The following MOG variants were observed in gnomAD, a reference collection of about 807,000 sequenced individuals.
The protein encoded by MOG is myelin-oligodendrocyte glycoprotein.
MOG carries 20 observed loss-of-function variants against 35.9 expected under a neutral mutation model. That is an observed-to-expected ratio of 0.56 (90% CI 0.39 to 0.81). MOG has a LOEUF of 0.81. Ranked by LOEUF, MOG falls within the 30% of genes least tolerant of loss-of-function variation. MOG has a pLI of 0.00. For synonymous variants in MOG, 92 were observed against 114.3 expected (o/e 0.80, Z 1.25); for missense variants, 251 against 301.0 (o/e 0.83, Z 1.23).
At chr6:29,661,674 G>T (rs376003848) in intron 2 of MOG, 3 of 818,948 alleles carry the variant, frequency 3.7e-6, no homozygotes, top group Non-Finnish European at 2.9e-6. Flanking sequence ...CACAAAATTA[G>T]CCTGGCGTGG....
At chr6:29,664,913 A>C in intron 2 of MOG, 1 of 231,366 alleles carries the variant, frequency 4.3e-6, no homozygotes, top group Non-Finnish European at 8.8e-6. Flanking sequence ...ACCTAGCCAG[A>C]AGAATGTTTT....
intron 3 of MOG, among the ~76,000 whole-genome samples, 156 bp from the exon 4 acceptor site, chr6:29,667,487 A>G (rs1249649091): frequency 6.6e-6 from 1 of 152,066 alleles, no homozygotes; most frequent in African/African-American, 2.4e-5. Flanking sequence ...AGCCGCAACC[A>G]TTGGCTTTAA....
Position 29,670,294 on chromosome 6 carries a change from G to T in MOG, c.606G>T (p.Leu202=). 6.2e-7 allele frequency: 1 copy of T among 1,614,176 alleles called. No homozygotes were observed. The highest frequency in any genetic ancestry group is 8.5e-7 in the Non-Finnish European group (1 of 1,180,032). Residue 202 remains leucine (L), a synonymous_variant, in exon 6 of 8, where the codon CTG becomes CTT. Coordinates refer to ENST00000376917, the MANE Select transcript of MOG (RefSeq NM_206809.4). This position sits in a 1 kb window ranked among gnomAD's most constrained non-coding sequence, Gnocchi z 4.2. ...TGAACAATTCAGATCCCCACTTTCTGAGGGTGCCCTGCTGGAAGATAACCC... is the reference window on the plus strand; with the variant it reads ...TGAACAATTCAGATCCCCACTTTCTTAGGGTGCCCTGCTGGAAGATAACCC... ...NLHRTFDPHF[L]RVPCWKITLF...
chr6:29,658,745 T>C (rs1767750644), intron 1 of MOG, among the ~76,000 whole-genome samples: 1 of 152,154 alleles, frequency 6.6e-6, no homozygotes, highest in Non-Finnish European at 1.5e-5. Flanking sequence ...GAGGAGATGA[T>C]TGCTAAAATG....
At chr6:29,667,741 C>A (rs938996853) in intron 4 of MOG, 78 bp downstream of exon 4, 2 of 1,575,794 alleles carry the variant, frequency 1.3e-6, no homozygotes, top group Admixed American at 1.7e-5. Flanking sequence ...GTTCTTGGAC[C>A]GTCTCTCCCT....
chr6:29,663,147 C>G (rs1055496208), intron 2 of MOG, among the ~76,000 whole-genome samples: 1 of 151,670 alleles, frequency 6.6e-6, no homozygotes, highest in Non-Finnish European at 1.5e-5. Flanking sequence ...GTGGCAGGCG[C>G]CTGTAGTCCC....
At chr6:29,661,317 T>C (rs1768683922) in intron 2 of MOG, 1 of 946,820 alleles carries the variant, frequency 1.1e-6, no homozygotes, top group African/African-American at 1.8e-5. Context: ...CAAAGCACTA[T>C]TTCTAGAGAC....
intron 2 of MOG, chr6:29,663,851 A>C (rs2535256): frequency 0.025 from 14,568 of 583,852 alleles, 506 homozygotes; most frequent in African/African-American, 0.13. Context: ...ACAATGATAG[A>C]CAGGAGCCTT....
intron 1 of MOG, among the ~76,000 whole-genome samples, chr6:29,658,740 GATGATTGCTAAAATGTTCTGTCC>G (rs1767749821): frequency 1.3e-5 from 2 of 152,224 alleles, no homozygotes; most frequent in Non-Finnish European, 2.9e-5. Context: ...GCTGAGAGGA[GATGATTGCTAAAATGTTCTGTCC>G]AGGACATTCA....
Position 29,657,094 on chromosome 6 carries a change from C to G in MOG, c.-116C>G, listed in dbSNP as rs1467666417. 3.8e-6 allele frequency: 3 copies of G among 780,504 alleles called. No homozygotes were observed. The highest frequency in any genetic ancestry group is 6.8e-6 in the Non-Finnish European group (3 of 441,190). 48.3% of individuals were successfully genotyped at this position (780,504 alleles called of 1,614,324 possible). ...CGGAGTGGAGGCAGGGCCCAGGCAG[C>G]ACTGCCCTCCAAGATCTTCCCTTGG... On this transcript the variant is annotated 5_prime_UTR_variant, in exon 1 of 8. Coordinates refer to ENST00000376917, the MANE Select transcript of MOG (RefSeq NM_206809.4).
intron 5 of MOG, 141 bp downstream of exon 5, chr6:29,668,065 T>G (rs1342334348): frequency 1.2e-6 from 1 of 813,770 alleles, no homozygotes; most frequent in Non-Finnish European, 2.1e-6. Context: ...AAGAAGTCAT[T>G]TGCATTTAGG....
chr6:29,660,562 GCACACACA>G (rs35514085), intron 2 of MOG, among the ~76,000 whole-genome samples: 2 of 129,172 alleles, frequency 1.5e-5, no homozygotes, highest in Admixed American at 8.7e-5. Flanking sequence ...ATTTGTGAGC[GCACACACA>G]CACACACACA....
rs1771333897 is a variant in MOG, at chr6:29,670,885, A to G, written c.730+164A>G. The G allele has an allele frequency of 6.3e-7, 1 of 1,591,886 alleles. No individual in the cohort carries two copies. The highest frequency in any genetic ancestry group is 1.1e-5 in the South Asian group (1 of 88,486). On this transcript the variant is annotated intron_variant, in intron 7 of 7. Transcript: ENST00000376917. The surrounding 1 kb of genome is among the most constrained non-coding windows in gnomAD (Gnocchi z 4.2). ...AGACTCCTCCTGGGAGGTAGAGGGC[A>G]AAGAAGCCAGCTGTTAGAGACACAT...
In MOG at chr6:29,670,551, T is replaced by A. The variant is rs1243624972; in HGVS notation, c.710-150T>A. On this transcript the variant is annotated intron_variant, in intron 6 of 7. Coordinates refer to ENST00000376917, the MANE Select transcript of MOG (RefSeq NM_206809.4). The surrounding 1 kb of genome is among the most constrained non-coding windows in gnomAD (Gnocchi z 4.2). ...CCCCATGCCCAACCCCAGGCTCTTC[T>A]GAGAAACTGTGAAGAGAACCACTTA... is the stretch of plus-strand genomic sequence containing the variant. The A allele has an allele frequency of 3.9e-6, 6 of 1,538,498 alleles. No homozygotes were observed. The highest frequency in any genetic ancestry group is 5.3e-6 in the Non-Finnish European group (6 of 1,123,564).
chr6:29,666,783 T>A (rs1216637602), intron 3 of MOG, among the ~76,000 whole-genome samples: 2 of 152,222 alleles, frequency 1.3e-5, no homozygotes, highest in Non-Finnish European at 2.9e-5. Context: ...ATGAAGCTCC[T>A]CTTTTTTGCC....
chr6:29,669,424 G>A (rs1348996376), intron 5 of MOG, among the ~76,000 whole-genome samples: 2 of 151,440 alleles, frequency 1.3e-5, no homozygotes, highest in Admixed American at 6.6e-5. Flanking sequence ...CCAAGTTGCT[G>A]GAACTACAGG....
At chr6:29,657,491 T>C (rs948997407) in intron 1 of MOG, among the ~76,000 whole-genome samples, 194 bp downstream of exon 1, 87 of 148,494 alleles carry the variant, frequency 5.9e-4, no homozygotes, top group African/African-American at 2.0e-3. Flanking sequence ...TCCAGACTCT[T>C]TTTTTTTTTT....
At chr6:29,657,344 A>G in intron 1 of MOG, 47 bp downstream of exon 1, 1 of 1,416,090 alleles carries the variant, frequency 7.1e-7, no homozygotes, top group Non-Finnish European at 9.8e-7. Context: ...TGAAAACAGA[A>G]AGGCTAGTTT....
Position 29,670,539 on chromosome 6 carries a change from C to A in MOG, c.709+142C>A. 6.6e-7 allele frequency: 1 copy of A among 1,522,976 alleles called. No homozygotes were observed. The highest frequency in any genetic ancestry group is 9.0e-7 in the Non-Finnish European group (1 of 1,106,522). The allele number at this position is 1,522,976 out of a possible 1,614,324, so 94.3% of individuals were successfully genotyped here. ...TTATTCCTCTGTCCCCATGCCCAAC[C>A]CCAGGCTCTTCTGAGAAACTGTGAA... is the stretch of plus-strand genomic sequence containing the variant. On this transcript the variant is annotated intron_variant, in intron 6 of 7. Coordinates refer to ENST00000376917, the MANE Select transcript of MOG (RefSeq NM_206809.4). This position sits in a 1 kb window ranked among gnomAD's most constrained non-coding sequence, Gnocchi z 4.2.
Sources: allele counts gnomAD v4.1 joint callset (sites outside exome capture counted in the v4.1 genomes callset), GRCh38; gene constraint gnomAD v4.1.1; non-coding constraint Gnocchi (gnomAD v3.1); transcripts MANE v1.5; gene names NCBI Gene and HGNC (gene_info 2026-07-23, HGNC 2026-07-21).